Variants in NSMCE2 observed in about 807,000 individuals in gnomAD.
NSMCE2 encodes NSE2 SUMO ligase component of SMC5/6 complex.
Under a neutral mutation model 23.8 loss-of-function variants are expected in NSMCE2, and 24 were observed. That is an observed-to-expected ratio of 1.01 (90% CI 0.73 to 1.42). The LOEUF is 1.42. Among genes scored for constraint, NSMCE2 ranks in the 40% most tolerant of loss-of-function variants. The pLI is 0.00. For synonymous variants in NSMCE2, 92 were observed against 94.1 expected, an observed-to-expected ratio of 0.98 and a Z score of 0.13; for missense variants, 284 against 296.5, an observed-to-expected ratio of 0.96 and a Z score of 0.31.
At chr8:125,134,523 A>G (rs1819962122) in intron 3 of NSMCE2, among the ~76,000 whole-genome samples, 1 of 152,176 alleles carries the variant, frequency 6.6e-6, no homozygotes. Flanking sequence ...GATCATTAAA[A>G]TTGAGTACCT....
At chr8:125,205,206 CT>C (rs1163052997) in intron 5 of NSMCE2, among the ~76,000 whole-genome samples, 1 of 152,192 alleles carries the variant, frequency 6.6e-6, no homozygotes, top group Admixed American at 6.5e-5. Flanking sequence ...TTCAGGGAGT[CT>C]TCCCTAAGGT....
At chr8:125,097,660 C>T (rs981533922) in intron 1 of NSMCE2, among the ~76,000 whole-genome samples, 12 of 152,076 alleles carry the variant, frequency 7.9e-5, no homozygotes, top group African/African-American at 1.2e-4. Flanking sequence ...TTTGTGTAAT[C>T]GGTTTCTTTT....
chr8:125,219,548 A>T (rs1824755185), intron 5 of NSMCE2, among the ~76,000 whole-genome samples: 1 of 152,196 alleles, frequency 6.6e-6, no homozygotes, highest in Admixed American at 6.5e-5. Flanking sequence ...AGGAACTCTG[A>T]ACACATTTCA....
At chr8:125,301,749 G>T (rs969457051) in intron 5 of NSMCE2, among the ~76,000 whole-genome samples, 1 of 148,056 alleles carries the variant, frequency 6.8e-6, no homozygotes, top group African/African-American at 2.5e-5. Context: ...TACAACCTCC[G>T]CTTACTGGGT....
chr8:125,242,365 C>T (rs1825796964), intron 5 of NSMCE2, among the ~76,000 whole-genome samples: 1 of 152,022 alleles, frequency 6.6e-6, no homozygotes, highest in South Asian at 2.1e-4. Context: ...GCTCCTGGTT[C>T]AAGGTGTTGA....
chr8:125,184,624 T>C (rs917419602), intron 5 of NSMCE2, among the ~76,000 whole-genome samples: 1 of 152,150 alleles, frequency 6.6e-6, no homozygotes, highest in Admixed American at 6.5e-5. Flanking sequence ...AAAAATACTC[T>C]ATAAGATCTG....
intron 5 of NSMCE2, among the ~76,000 whole-genome samples, chr8:125,342,505 G>A (rs1830286957): frequency 6.6e-6 from 1 of 152,090 alleles, no homozygotes; most frequent in Admixed American, 6.6e-5. Context: ...ACAAGGAGGG[G>A]GTGGGTGAGA....
intron 3 of NSMCE2, among the ~76,000 whole-genome samples, chr8:125,121,038 A>G (rs1819239782): frequency 6.6e-6 from 1 of 152,232 alleles, no homozygotes; most frequent in South Asian, 2.1e-4. Flanking sequence ...AAACTTACTG[A>G]AAAAGAACTT....
intron 4 of NSMCE2, among the ~76,000 whole-genome samples, chr8:125,170,553 A>T (rs150354415): frequency 4.7e-4 from 71 of 151,690 alleles, no homozygotes; most frequent in Non-Finnish European, 9.6e-4. Flanking sequence ...ATTTACAGGC[A>T]TGTGCCACCA....
At chr8:125,301,470 G>A (rs1445741608) in intron 5 of NSMCE2, among the ~76,000 whole-genome samples, 1 of 152,048 alleles carries the variant, frequency 6.6e-6, no homozygotes, top group African/African-American at 2.4e-5. Context: ...ACATGGAGGT[G>A]GCGGTGGGGT....
rs191071097 is a variant in NSMCE2 at position 125,196,888 on chromosome 8, G to A, written c.418+14632G>A. ...GTTGATTCCTGACTTTTTAATGATC[G>A]CCATTCTAACTGGCATGAGATGGTA... On this transcript the variant is annotated intron_variant, in intron 5 of 7. Coordinates refer to ENST00000287437, the MANE Select transcript of NSMCE2 (RefSeq NM_173685.4). 2.9e-4 allele frequency among the ~76,000 whole-genome samples: 44 copies of A among 152,136 alleles called. No individual in the cohort carries two copies. In the East Asian group the frequency reaches 5.2e-3, roughly 18 times the overall value.
Position 125,251,130 on chromosome 8 carries a change from A to G in NSMCE2, c.418+68874A>G, listed in dbSNP as rs556944187. 4.6e-5 allele frequency among the ~76,000 whole-genome samples: 7 copies of G among 152,334 alleles called. 1 individual carries two copies. In the South Asian group the frequency reaches 1.4e-3, roughly 32 times the overall value. ...TCTCTAGTAAAAGCATAGTGGTTCC[A>G]TAATTTAAAAGTTTAATAAGGGAAT... On this transcript the variant is annotated intron_variant, in intron 5 of 7. Transcript: ENST00000287437.
At chr8:125,281,152 A>G (rs753219903) in intron 5 of NSMCE2, among the ~76,000 whole-genome samples, 2 of 152,244 alleles carry the variant, frequency 1.3e-5, no homozygotes, top group Non-Finnish European at 2.9e-5. Context: ...CTTAAAACAC[A>G]TGAGAAAGTT....
intron 2 of NSMCE2, 38 bp from the exon 3 acceptor site, chr8:125,102,279 G>T: frequency 1.4e-6 from 2 of 1,407,496 alleles, no homozygotes; most frequent in South Asian, 2.3e-5. Context: ...TTATTATTCT[G>T]ACTTACGAAT....
chr8:125,302,296 A>C (rs1056125318), intron 5 of NSMCE2, among the ~76,000 whole-genome samples: 1 of 152,150 alleles, frequency 6.6e-6, no homozygotes, highest in Admixed American at 6.5e-5. Context: ...GATGTCTCCT[A>C]TGTGCTAGGC....
At chr8:125,308,265 T>C (rs1828836856) in intron 5 of NSMCE2, among the ~76,000 whole-genome samples, 1 of 152,210 alleles carries the variant, frequency 6.6e-6, no homozygotes, top group African/African-American at 2.4e-5. Context: ...GTCTCAGGCC[T>C]TTGCTCTTTG....
intron 5 of NSMCE2, among the ~76,000 whole-genome samples, chr8:125,280,089 G>C (rs549989862): frequency 1.3e-5 from 2 of 152,324 alleles, no homozygotes; most frequent in South Asian, 2.1e-4. Context: ...TCACTGCCAA[G>C]AAAGTGATGA....
Position 125,096,238 on chromosome 8 carries a change from T to C in NSMCE2, c.-111+4280T>C, listed in dbSNP as rs61550918. Among the ~76,000 whole-genome samples the C allele has an allele frequency of 3.7e-3, 566 of 152,294 alleles. 7 individuals are homozygous for C. The highest frequency in any genetic ancestry group is 0.013 in the African/African-American group (541 of 41,562). ...CATTTCATTGCCTTGGGTACAGTCA[T>C]AGGCCACAGCTAACTTCAAGGAAGG... On this transcript the variant is annotated intron_variant, in intron 1 of 7. Transcript: ENST00000287437.
rs140364690 is a variant in NSMCE2 at position 125,267,420 on chromosome 8, G to C, written c.418+85164G>C. Among the ~76,000 whole-genome samples the C allele has an allele frequency of 2.6e-5, 4 of 152,296 alleles. No homozygotes were observed. In the East Asian group the frequency reaches 5.8e-4, roughly 22 times the overall value. On this transcript the variant is annotated intron_variant, in intron 5 of 7. Coordinates refer to ENST00000287437, the MANE Select transcript of NSMCE2 (RefSeq NM_173685.4). ...TATGTGAGAAGTAAGGCTAGACAGTGAGGACCAAATGTGAGAAGTAAGGCT... is the reference window on the plus strand; with the variant it reads ...TATGTGAGAAGTAAGGCTAGACAGTCAGGACCAAATGTGAGAAGTAAGGCT...
Sources: allele counts gnomAD v4.1 joint callset (sites outside exome capture counted in the v4.1 genomes callset), GRCh38; gene constraint gnomAD v4.1.1; transcripts MANE v1.5; gene names NCBI Gene and HGNC (gene_info 2026-07-23, HGNC 2026-07-21).